The following GPC5 variants were observed in gnomAD, a reference collection of about 807,000 sequenced individuals.
GPC5 encodes the protein glypican-5.
GPC5 carries 47 observed loss-of-function variants against 53.9 expected under a neutral mutation model. The ratio of observed to expected loss-of-function variants is 0.87; its 90% confidence interval spans 0.69 to 1.11. GPC5 has a LOEUF of 1.11. Ranked by LOEUF, GPC5 falls within the 50% of genes most tolerant of loss-of-function variation. The pLI, the probability that GPC5 is intolerant of heterozygous loss-of-function variation, is 0.00. For missense variants in GPC5, 748 were observed against 713.1 expected (o/e 1.05, Z -0.56); for synonymous variants, 286 against 263.3 (o/e 1.09, Z -0.84).
intron 7 of GPC5, among the ~76,000 whole-genome samples, chr13:92,268,763 A>C (rs2042820227): frequency 1.3e-5 from 2 of 152,104 alleles, no homozygotes; most frequent in Admixed American, 6.5e-5. Context: ...TTATGTCTAA[A>C]CAGTATCAGG....
intron 6 of GPC5, chr13:92,059,700 A>G (rs916986709): frequency 2.0e-5 from 3 of 152,016 alleles, no homozygotes; most frequent in Non-Finnish European, 2.9e-5. Context: ...TCATTACTAT[A>G]AATAGTATTT....
chr13:92,235,001 A>G (rs908479528), intron 7 of GPC5, among the ~76,000 whole-genome samples: 2 of 152,212 alleles, frequency 1.3e-5, no homozygotes, highest in Admixed American at 1.3e-4. Flanking sequence ...AGGCAGGGGT[A>G]TATGAAAAAG....
intron 7 of GPC5, among the ~76,000 whole-genome samples, chr13:92,527,395 T>C (rs574270901): frequency 3.3e-5 from 5 of 152,002 alleles, no homozygotes; most frequent in African/African-American, 1.2e-4. Context: ...AGTGGTATCA[T>C]AGAAGAGCAG....
At chr13:91,416,960 C>T (rs1336132381) in intron 1 of GPC5, among the ~76,000 whole-genome samples, 2 of 152,134 alleles carry the variant, frequency 1.3e-5, no homozygotes, top group Admixed American at 6.6e-5. Flanking sequence ...CTTAGCCCGC[C>T]TTTTACCATT....
In GPC5 at chr13:91,440,981, C is replaced by G. The variant is rs547188616; in HGVS notation, c.164-7780C>G. The stretch of plus-strand genomic sequence containing the variant: ...ATTCCCCCTTCACTTTCTAGAAACT[C>G]TTCCCCAACCTCTGTCTTCTAGTTC... On this transcript the variant is annotated intron_variant, in intron 1 of 7. Coordinates refer to ENST00000377067, the MANE Select transcript of GPC5 (RefSeq NM_004466.6). Among the ~76,000 whole-genome samples, 10 of 152,308 alleles carry G rather than the reference C, an allele frequency of 6.6e-5. No homozygotes were observed. In the South Asian group the frequency reaches 1.9e-3, roughly 28 times the overall value.
chr13:91,445,750 C>T (rs1432807683), intron 1 of GPC5, among the ~76,000 whole-genome samples: 1 of 152,140 alleles, frequency 6.6e-6, no homozygotes, highest in African/African-American at 2.4e-5. Flanking sequence ...GCTGGGATTA[C>T]AGGCATGAGC....
intron 3 of GPC5, among the ~76,000 whole-genome samples, chr13:91,703,473 A>G (rs1392218497): frequency 1.3e-5 from 2 of 152,106 alleles, no homozygotes; most frequent in African/African-American, 4.8e-5. Flanking sequence ...GTGGTATATC[A>G]TGTTTATGTC....
chr13:91,851,089 G>T (rs1031321557), intron 5 of GPC5, among the ~76,000 whole-genome samples: 1 of 152,086 alleles, frequency 6.6e-6, no homozygotes, highest in Non-Finnish European at 1.5e-5. Flanking sequence ...CTATAATCGA[G>T]GCTTGAGCAA....
chr13:92,746,405 C>A (rs1889242885), intron 7 of GPC5, among the ~76,000 whole-genome samples: 1 of 152,086 alleles, frequency 6.6e-6, no homozygotes, highest in Non-Finnish European at 1.5e-5. Context: ...TTCTTTAGAA[C>A]CACCTACATC....
At chr13:92,563,257 GAT>G (rs1388979811) in intron 7 of GPC5, among the ~76,000 whole-genome samples, 4 of 151,952 alleles carry the variant, frequency 2.6e-5, no homozygotes, top group Non-Finnish European at 4.4e-5. Flanking sequence ...AGGATATCGT[GAT>G]ACTGAACAGT....
intron 3 of GPC5, among the ~76,000 whole-genome samples, chr13:91,725,355 A>G (rs2036555066): frequency 6.6e-6 from 1 of 152,168 alleles, no homozygotes; most frequent in African/African-American, 2.4e-5. Flanking sequence ...AAAATTGTCA[A>G]CGTAAGTGTG....
chr13:91,845,882 A>T (rs921756345), intron 5 of GPC5, among the ~76,000 whole-genome samples: 1 of 152,088 alleles, frequency 6.6e-6, no homozygotes, highest in African/African-American at 2.4e-5. Context: ...TAAATTACCT[A>T]AGCTTTTGTT....
chr13:92,372,298 G>A (rs2043657204), intron 7 of GPC5, among the ~76,000 whole-genome samples: 1 of 152,154 alleles, frequency 6.6e-6, no homozygotes, highest in Non-Finnish European at 1.5e-5. Context: ...TAAGACCCTA[G>A]ATTGCAAACT....
intron 2 of GPC5, among the ~76,000 whole-genome samples, chr13:91,600,754 T>G (rs1053091953): frequency 2.7e-4 from 41 of 152,120 alleles, no homozygotes; most frequent in Admixed American, 2.0e-3. Flanking sequence ...TGCATCAGAT[T>G]GCACTTGGGC....
chr13:92,172,270 G>A (rs1445829447), intron 7 of GPC5, among the ~76,000 whole-genome samples: 2 of 152,112 alleles, frequency 1.3e-5, no homozygotes, highest in Non-Finnish European at 2.9e-5. Flanking sequence ...GTCAAGTTGG[G>A]TTGTGCAGTT....
chr13:92,517,350 G>C (rs1880834323), intron 7 of GPC5, among the ~76,000 whole-genome samples: 2 of 152,172 alleles, frequency 1.3e-5, no homozygotes, highest in Admixed American at 6.5e-5. Context: ...GTTTCTCCCA[G>C]CATGCAGCTT....
At chr13:92,093,095 C>T (rs953278334) in intron 6 of GPC5, among the ~76,000 whole-genome samples, 11 of 152,248 alleles carry the variant, frequency 7.2e-5, no homozygotes, top group Admixed American at 5.2e-4. Flanking sequence ...GCTAAACTAA[C>T]ATTTAGTTTT....
At chr13:92,846,526 C>T (rs1878617810) in intron 7 of GPC5, among the ~76,000 whole-genome samples, 1 of 152,184 alleles carries the variant, frequency 6.6e-6, no homozygotes, top group African/African-American at 2.4e-5. Context: ...CATCCACAAT[C>T]ACTGCTGTAT....
chr13:92,147,179 G>T (rs1270015088), intron 7 of GPC5, among the ~76,000 whole-genome samples: 2 of 151,570 alleles, frequency 1.3e-5, no homozygotes, highest in Non-Finnish European at 2.9e-5. Flanking sequence ...ATGAAAAAGG[G>T]TTTTCACTAG....
Sources: gnomAD v4.1 joint callset for allele counts (sites outside exome capture counted in the v4.1 genomes callset) on GRCh38, gnomAD v4.1.1 for gene constraint, MANE v1.5 for transcripts, NCBI Gene and HGNC (gene_info 2026-07-23, HGNC 2026-07-21) for gene names.